The following RBFOX2 variants were observed in gnomAD, a reference collection of about 807,000 sequenced individuals.
RBFOX2 encodes RNA binding fox-1 homolog 2, also known as RNA binding protein fox-1 homolog 2.
A neutral mutation model predicts 49.1 loss-of-function variants in RBFOX2; 10 were observed. That is an observed-to-expected ratio of 0.20 (90% CI 0.13 to 0.35). The LOEUF (loss-of-function observed/expected upper bound fraction) is 0.35. RBFOX2 is among the 10% of genes least tolerant of loss of function. The pLI is 1.00. For missense variants in RBFOX2, 323 were observed against 486.9 expected (o/e 0.66, Z 3.17); for synonymous variants, 183 against 187.4 (o/e 0.98, Z 0.19).
intron 1 of RBFOX2, among the ~76,000 whole-genome samples, chr22:35,909,618 A>C (rs1370965256): frequency 6.6e-6 from 1 of 152,212 alleles, no homozygotes; most frequent in African/African-American, 2.4e-5. Context: ...GTCTCCGAGC[A>C]ATGTCTTCGA....
chr22:35,981,515 G>C (rs576587747), intron 1 of RBFOX2, among the ~76,000 whole-genome samples: 2 of 151,808 alleles, frequency 1.3e-5, no homozygotes, highest in African/African-American at 4.8e-5. Context: ...GGTGGTGCCC[G>C]CCTGTGGTCA....
intron 8 of RBFOX2, among the ~76,000 whole-genome samples, chr22:35,760,801 T>G (rs752340682): frequency 2.6e-5 from 4 of 152,216 alleles, no homozygotes; most frequent in African/African-American, 7.2e-5. Context: ...CAAAATGACT[T>G]AGAGAGATCA....
chr22:35,929,839 A>G lies in RBFOX2; in HGVS notation c.-34+9008T>C, dbSNP rs560572106. 2.0e-5 allele frequency among the ~76,000 whole-genome samples: 3 copies of G among 152,040 alleles called. No individual in the cohort carries two copies. In the East Asian group the frequency reaches 5.8e-4, roughly 29 times the overall value. On this transcript the variant is annotated intron_variant, in intron 1 of 13. Transcript: ENST00000359369. ...GCAGAGCAGTGGTTGGCTGGGGGAGAGAGGGAGGACTGGAGAGGGAGCAGG... is the reference window on the plus strand; with the variant it reads ...GCAGAGCAGTGGTTGGCTGGGGGAGGGAGGGAGGACTGGAGAGGGAGCAGG...
intron 1 of RBFOX2, among the ~76,000 whole-genome samples, chr22:35,966,757 T>C (rs749016422): frequency 4.6e-5 from 7 of 152,190 alleles, no homozygotes; most frequent in Non-Finnish European, 7.4e-5. Context: ...ATCCCTATAC[T>C]ACAAATACTT....
At chr22:35,761,997 G>A (rs887055037) in intron 6 of RBFOX2, among the ~76,000 whole-genome samples, 5 of 151,968 alleles carry the variant, frequency 3.3e-5, no homozygotes, top group East Asian at 1.9e-4. Flanking sequence ...ACTTTTACTC[G>A]GATTTACCAT....
rs985118812 is a variant in RBFOX2 at position 35,749,234 on chromosome 22, A to C, written c.888-2673T>G. Among the ~76,000 whole-genome samples the C allele has an allele frequency of 1.3e-5, 2 of 152,246 alleles. No homozygotes were observed. The highest frequency in any genetic ancestry group is 2.9e-5 in the Non-Finnish European group (2 of 68,038). On this transcript the variant is annotated intron_variant, in intron 9 of 11. Transcript: ENST00000405409. This position sits in a 1 kb window ranked among gnomAD's most constrained non-coding sequence, Gnocchi z 4.1. ...CTTTTCAAGTGGAAGAAAACAGAAC[A>C]GGGTTGGCAAATACTTTACTGAAAA...
chr22:35,864,551 T>C (rs967192963), intron 1 of RBFOX2, among the ~76,000 whole-genome samples: 1 of 152,130 alleles, frequency 6.6e-6, no homozygotes, highest in Admixed American at 6.6e-5. Flanking sequence ...TTCTCAAACT[T>C]CCCACCCCCA....
chr22:36,005,408 G>A (rs2058582470), intron 1 of RBFOX2, among the ~76,000 whole-genome samples: 1 of 152,222 alleles, frequency 6.6e-6, no homozygotes, highest in African/African-American at 2.4e-5. Flanking sequence ...CTGCAATTCA[G>A]TGAGATGCAA....
intron 1 of RBFOX2, among the ~76,000 whole-genome samples, chr22:35,909,064 G>A (rs1333250627): frequency 2.6e-5 from 4 of 152,104 alleles, no homozygotes; most frequent in African/African-American, 7.2e-5. Flanking sequence ...GGATGGTCTC[G>A]ATCTCCTGAC....
intron 1 of RBFOX2, among the ~76,000 whole-genome samples, chr22:35,989,416 T>G (rs1266985205): frequency 6.6e-6 from 1 of 152,064 alleles, no homozygotes; most frequent in Non-Finnish European, 1.5e-5. Flanking sequence ...AGGACAAAGA[T>G]GACACAAAGG....
At chr22:35,910,750 A>G (rs1418034386) in intron 1 of RBFOX2, among the ~76,000 whole-genome samples, 1 of 152,222 alleles carries the variant, frequency 6.6e-6, no homozygotes, top group African/African-American at 2.4e-5. Context: ...ACTAGCGGAA[A>G]AAAACTGAAA....
intron 4 of RBFOX2, among the ~76,000 whole-genome samples, chr22:35,773,813 ATTG>A (rs1943266729): frequency 2.6e-5 from 4 of 152,092 alleles, no homozygotes; most frequent in Admixed American, 6.5e-5. Flanking sequence ...ATCACCAAAA[ATTG>A]TTATGTGGTT....
exon 12 of RBFOX2, chr22:35,743,174 G>C (rs907639802): frequency 1.3e-5 from 2 of 152,236 alleles, no homozygotes; most frequent in African/African-American, 4.8e-5. Flanking sequence ...AGAAATACCA[G>C]ATCTTCTAAT....
chr22:35,913,269 C>T (rs1041315737), intron 1 of RBFOX2, among the ~76,000 whole-genome samples: 3 of 151,874 alleles, frequency 2.0e-5, no homozygotes, highest in Non-Finnish European at 4.4e-5. Context: ...CTTGAGCCCA[C>T]GAGTTCAAGA....
At chr22:35,853,603 A>C (rs1257080287) in intron 1 of RBFOX2, among the ~76,000 whole-genome samples, 1 of 152,112 alleles carries the variant, frequency 6.6e-6, no homozygotes, top group East Asian at 1.9e-4. Context: ...CCATATGTCC[A>C]CACATTATAT....
At chr22:35,884,307 T>C (rs934285553) in intron 1 of RBFOX2, among the ~76,000 whole-genome samples, 2 of 152,162 alleles carry the variant, frequency 1.3e-5, no homozygotes, top group Non-Finnish European at 2.9e-5. Context: ...TAGTTATCTA[T>C]TTCTATGTAA....
chr22:35,757,957 T>C (rs1216718976), intron 9 of RBFOX2, among the ~76,000 whole-genome samples: 2 of 152,182 alleles, frequency 1.3e-5, no homozygotes, highest in African/African-American at 4.8e-5. Flanking sequence ...AAAACACGAA[T>C]ACATTTTACC....
chr22:35,856,456 C>A (rs1327056465), intron 1 of RBFOX2, among the ~76,000 whole-genome samples: 4 of 152,128 alleles, frequency 2.6e-5, no homozygotes, highest in African/African-American at 9.7e-5. Context: ...AGGATATTAG[C>A]TATGCCTCAG....
At chr22:35,870,214 T>C (rs2044194936) in intron 1 of RBFOX2, among the ~76,000 whole-genome samples, 1 of 152,120 alleles carries the variant, frequency 6.6e-6, no homozygotes, top group Non-Finnish European at 1.5e-5. Context: ...AGTTTCTATT[T>C]AAAAACAGTC....
Sources: allele counts gnomAD v4.1 joint callset (sites outside exome capture counted in the v4.1 genomes callset), GRCh38; gene constraint gnomAD v4.1.1; non-coding constraint Gnocchi (gnomAD v3.1); transcripts MANE v1.5; gene names NCBI Gene and HGNC (gene_info 2026-07-23, HGNC 2026-07-21).